Variants in OR4K1 observed in about 807,000 individuals in gnomAD.
OR4K1 encodes olfactory receptor family 4 subfamily K member 1.
A neutral mutation model predicts 14.4 loss-of-function variants in OR4K1; 16 were observed. The observed-to-expected ratio is 1.11, with a 90% CI of 0.75 to 1.68. OR4K1 has a LOEUF of 1.68. Ranked by LOEUF, OR4K1 falls within the 40% of genes most tolerant of loss-of-function variation. OR4K1 has a pLI of 0.00. For missense variants in OR4K1, 548 were observed against 376.9 expected, an observed-to-expected ratio of 1.45 and a Z score of -3.76; for synonymous variants, 181 against 133.1, an observed-to-expected ratio of 1.36 and a Z score of -2.48.
the OR4K1 span, among the ~76,000 whole-genome samples, chr14:19,920,407 A>G: frequency 6.6e-6 from 1 of 152,242 alleles, no homozygotes; most frequent in Admixed American, 6.5e-5. Flanking sequence ...TTATTTAGAC[A>G]TTTACATAAG....
At chr14:19,920,563 T>C in the OR4K1 span, 1 of 1,539,288 alleles carries the variant, frequency 6.5e-7, no homozygotes, top group East Asian at 2.3e-5. Context: ...TTTCTATTTA[T>C]CCTCCTTTAG....
chr14:19,921,222 C>G, the OR4K1 span: 1 of 1,614,048 alleles, frequency 6.2e-7, no homozygotes, highest in Non-Finnish European at 8.5e-7. Context: ...TAGTGGAATT[C>G]TTTCCCTAAG....
At chr14:19,923,515 T>C in the OR4K1 span, among the ~76,000 whole-genome samples, 4 of 152,232 alleles carry the variant, frequency 2.6e-5, no homozygotes, top group African/African-American at 7.2e-5. Flanking sequence ...TTATATTCAT[T>C]GTATATAACA....
At chr14:19,923,258 G>A in the OR4K1 span, among the ~76,000 whole-genome samples, 7 of 152,220 alleles carry the variant, frequency 4.6e-5, no homozygotes, top group Non-Finnish European at 8.8e-5. Flanking sequence ...ATTCTGTTTC[G>A]TTAATGCATG....
chr14:19,929,690 G>A (rs1219299909), upstream of OR4K1, among the ~76,000 whole-genome samples: 1 of 152,198 alleles, frequency 6.6e-6, no homozygotes, highest in African/African-American at 2.4e-5. Flanking sequence ...ATTTAGAGAA[G>A]CAGCCTCATA....
the OR4K1 span, chr14:19,921,527 G>A: frequency 6.2e-7 from 1 of 1,613,484 alleles, no homozygotes; most frequent in Non-Finnish European, 8.5e-7. Context: ...ATTACCTGAG[G>A]CCAAGGAGAA....
chr14:19,934,826 ACGCCCGG>A, intron 1 of OR4K1, among the ~76,000 whole-genome samples: 1 of 152,256 alleles, frequency 6.6e-6, no homozygotes, highest in African/African-American at 2.4e-5. Context: ...GCCCACCACC[ACGCCCGG>A]CTAATTTTTT....
At chr14:19,921,763 T>C in the OR4K1 span, 1 of 629,858 alleles carries the variant, frequency 1.6e-6, no homozygotes, top group Non-Finnish European at 2.5e-6. Flanking sequence ...AAAATCTCTG[T>C]TTAGATTACT....
the OR4K1 span, chr14:19,921,439 T>C: frequency 1.9e-6 from 3 of 1,614,062 alleles, no homozygotes; most frequent in African/African-American, 2.7e-5. Context: ...TACACTGTTT[T>C]CACCCCCGTC....
the OR4K1 span, chr14:19,920,984 A>G: frequency 6.2e-7 from 1 of 1,614,204 alleles, no homozygotes; most frequent in Non-Finnish European, 8.5e-7. Context: ...ATGTAGCCAT[A>G]TGCAAACCCT....
At chr14:19,935,532 A>G (rs2138597025) in intron 1 of OR4K1, 116 bp from the exon 2 acceptor site, 2 of 820,914 alleles carry the variant, frequency 2.4e-6, no homozygotes, top group Middle Eastern at 5.7e-4. Flanking sequence ...AAATATATGT[A>G]ACCTAATTAA....
the OR4K1 span, among the ~76,000 whole-genome samples, chr14:19,924,293 G>A: frequency 3.0e-4 from 46 of 151,364 alleles, no homozygotes; most frequent in African/African-American, 1.1e-3. Flanking sequence ...CCAGCTACTC[G>A]GGAGGCTGAG....
the OR4K1 span, among the ~76,000 whole-genome samples, chr14:19,922,892 G>C: frequency 3.3e-5 from 5 of 152,124 alleles, no homozygotes; most frequent in Admixed American, 1.3e-4. Flanking sequence ...AATGGCCTTT[G>C]TAATAATTTT....
the OR4K1 span, chr14:19,921,151 C>A: frequency 6.2e-7 from 1 of 1,614,134 alleles, no homozygotes; most frequent in Non-Finnish European, 8.5e-7. Flanking sequence ...TGTGATCTTC[C>A]TCGAGTCACC....
chr14:19,935,887 C>T lies in OR4K1; in HGVS notation c.221C>T (p.Ser74Phe), dbSNP rs147067678. 5 of 1,614,124 alleles carry T rather than the reference C, an allele frequency of 3.1e-6. No individual in the cohort carries two copies. The African/African-American group carries it at 6.7e-5, about 22-fold the overall frequency. Residue 74 changes from serine (S) to phenylalanine (F), a missense_variant, in exon 2 of 2, where the codon TCT becomes TTT. Coordinates refer to ENST00000641172, the MANE Select transcript of OR4K1 (RefSeq NM_001004063.3). ...SNLSFIDICQ[S>F]NFATPKMLVD... The stretch of plus-strand genomic sequence containing the variant: ...CTTTCTTTCATTGATATCTGTCAGT[C>T]TAACTTTGCCACCCCCAAGATGCTT...
At chr14:19,921,086 A>G in the OR4K1 span, 13 of 1,614,080 alleles carry the variant, frequency 8.1e-6, no homozygotes, top group Admixed American at 1.2e-4. Flanking sequence ...TAAGCCAGTT[A>G]TCATTTACTG....
the OR4K1 span, among the ~76,000 whole-genome samples, chr14:19,922,689 A>C: frequency 1.3e-5 from 2 of 150,524 alleles, no homozygotes; most frequent in Non-Finnish European, 2.9e-5. Flanking sequence ...TAGTATTATG[A>C]AATATCATTG....
the OR4K1 span, chr14:19,920,498 C>G: frequency 7.2e-7 from 1 of 1,379,460 alleles, no homozygotes. Context: ...CACATTATAT[C>G]TGAGATCTCA....
chr14:19,926,714 C>T (rs35970918), upstream of OR4K1, among the ~76,000 whole-genome samples: 39,696 of 148,646 alleles, frequency 0.27, 3,992 homozygotes, highest in Non-Finnish European at 0.37. Flanking sequence ...AGTGGGTCCC[C>T]GTACTAACTC....
Sources: allele counts gnomAD v4.1 joint callset (sites outside exome capture counted in the v4.1 genomes callset), GRCh38; gene constraint gnomAD v4.1.1; transcripts MANE v1.5; gene names NCBI Gene and HGNC (gene_info 2026-07-23, HGNC 2026-07-21).